The following SC5D variants were observed in gnomAD, a reference collection of about 807,000 sequenced individuals.
SC5D encodes lathosterol oxidase.
Under a neutral mutation model 23.9 loss-of-function variants are expected in SC5D, and 21 were observed. The observed-to-expected ratio is 0.88, with a 90% CI of 0.62 to 1.26. SC5D has a LOEUF of 1.26. Ranked by LOEUF, SC5D falls within the 50% of genes most tolerant of loss-of-function variation. SC5D has a pLI of 0.00. For missense variants in SC5D, 309 were observed against 364.8 expected (o/e 0.85, Z 1.25); for synonymous variants, 113 against 125.9 (o/e 0.90, Z 0.68).
At chr11:121,304,271 G>T in intron 2 of SC5D, 90 bp from the exon 3 acceptor site, 2 of 1,229,786 alleles carry the variant, frequency 1.6e-6, no homozygotes, top group South Asian at 2.5e-5. Context: ...ATGTAAAAGA[G>T]ATTTTAAAAA....
At chr11:121,306,517 AG>A in intron 4 of SC5D, 31 bp downstream of exon 4, 3 of 1,049,886 alleles carry the variant, frequency 2.9e-6, no homozygotes, top group Non-Finnish European at 3.0e-6. Context: ...AAGAGAAAAA[AG>A]GTTACACATT....
At chr11:121,303,853 G>T (rs1226654592) in intron 2 of SC5D, 1 of 353,616 alleles carries the variant, frequency 2.8e-6, no homozygotes, top group African/African-American at 2.1e-5. Flanking sequence ...ATATTGATGA[G>T]TAAATAAATG....
chr11:121,296,282 T>C (rs752778840), intron 1 of SC5D, among the ~76,000 whole-genome samples: 40 of 152,206 alleles, frequency 2.6e-4, no homozygotes, highest in Non-Finnish European at 5.6e-4. Flanking sequence ...AAAGTCCAAA[T>C]TCCTCAGCAG....
chr11:121,305,730 A>C (rs1364764965), intron 3 of SC5D: 2 of 152,598 alleles, frequency 1.3e-5, no homozygotes, highest in Non-Finnish European at 2.9e-5. Flanking sequence ...AAAGAAAAAA[A>C]AAGTCAGTTA....
chr11:121,305,946 ATGAGG>A, intron 3 of SC5D: 1 of 203,068 alleles, frequency 4.9e-6, no homozygotes, highest in Non-Finnish European at 1.0e-5. Flanking sequence ...TACAGGAGTG[ATGAGG>A]TTGGAAAGAT....
rs991795849 is a variant in SC5D, at chr11:121,309,205, G to T, written c.*1693G>T. 6.6e-6 allele frequency among the ~76,000 whole-genome samples: 1 copy of T among 152,158 alleles called. No homozygotes were observed. Among genetic ancestry groups the T allele is most frequent in the African/African-American group, 2.4e-5 (1 of 41,434 alleles). ...TCCACCTAGTCTTTCTGCGACCCAG[G>T]CTCCTTCCTCTTGGGGCTCTGCCTT... On this transcript the variant is annotated 3_prime_UTR_variant, in exon 5 of 5. Transcript: ENST00000264027.
chr11:121,303,032 C>T (rs1176248309), intron 1 of SC5D, among the ~76,000 whole-genome samples: 10 of 152,206 alleles, frequency 6.6e-5, no homozygotes, highest in Admixed American at 6.5e-4. Flanking sequence ...ATCTTTACCA[C>T]TTGCCATGCT....
intron 1 of SC5D, among the ~76,000 whole-genome samples, chr11:121,296,376 A>G (rs933032953): frequency 6.6e-6 from 1 of 152,130 alleles, no homozygotes; most frequent in African/African-American, 2.4e-5. Context: ...GCTCCACCCC[A>G]TCACCCTGTC....
intron 1 of SC5D, 50 bp from the exon 2 acceptor site, chr11:121,303,316 T>A: frequency 1.4e-5 from 21 of 1,552,462 alleles, no homozygotes; most frequent in Non-Finnish European, 1.9e-5. Flanking sequence ...AATTTTTGCC[T>A]GGAAAAATAG....
intron 2 of SC5D, 194 bp downstream of exon 2, chr11:121,303,779 T>G (rs978619261): frequency 6.3e-5 from 36 of 567,584 alleles, no homozygotes; most frequent in Non-Finnish European, 1.1e-4. Flanking sequence ...AATCTAACTT[T>G]TTAATAAAAC....
rs930790807 is a variant in SC5D at position 121,309,724 on chromosome 11, C to A, written c.*2212C>A. Among the ~76,000 whole-genome samples, 4 of 152,168 alleles carry A rather than the reference C, an allele frequency of 2.6e-5. No homozygotes were observed. The highest frequency in any genetic ancestry group is 5.9e-5 in the Non-Finnish European group (4 of 68,028). ...CCTTTCACCCGTCTCAAATTCTGGT[C>A]TTTTAAAGCAGCGTTATGTTAAGTA... On this transcript the variant is annotated 3_prime_UTR_variant, in exon 5 of 5. Transcript: ENST00000264027.
At position 121,306,463 on chromosome 11, in the gene SC5D, C is replaced by A; in HGVS notation, c.421C>A (p.Leu141Ile). The change falls in exon 4 of 5, where the codon CTT becomes ATT. Residue 141 changes from leucine to isoleucine, a missense_variant. By Grantham distance (5) the Leu-to-Ile change is conservative. Transcript: ENST00000264027. ...DMFIYWIHRG[L>I]HHRLVYKRLH... The stretch of plus-strand genomic sequence containing the variant: ...GTTCATCTACTGGATTCACAGAGGC[C>A]TTCATCATAGACTGGTATATAAGGT... The A allele has an allele frequency of 6.5e-7, 1 of 1,550,302 alleles. No homozygotes were observed. The highest frequency in any genetic ancestry group is 8.9e-7 in the Non-Finnish European group (1 of 1,121,964).
Position 121,309,247 on chromosome 11 carries a change from G to T in SC5D, c.*1735G>T, listed in dbSNP as rs1430972998. On this transcript the variant is annotated 3_prime_UTR_variant, in exon 5 of 5. Coordinates refer to ENST00000264027, the MANE Select transcript of SC5D (RefSeq NM_006918.5). Reference sequence around the variant, plus strand: ...CTCTGCCTTTCTCTCAGTCCATAGAGCCCTCTTTGTTGAAAGAGCACATAG... The same window carrying T: ...CTCTGCCTTTCTCTCAGTCCATAGATCCCTCTTTGTTGAAAGAGCACATAG... 6.6e-6 allele frequency among the ~76,000 whole-genome samples: 1 copy of T among 152,168 alleles called. No homozygotes were observed. The highest frequency in any genetic ancestry group is 1.5e-5 in the Non-Finnish European group (1 of 68,030).
rs1220830102 is a variant in SC5D at position 121,309,133 on chromosome 11, C to G, written c.*1621C>G. Reference sequence around the variant, plus strand: ...AGTAACTATTCCCAGGTTTATTTCTCTCTCATATGATGTCCCATGTGGATG... The same window carrying G: ...AGTAACTATTCCCAGGTTTATTTCTGTCTCATATGATGTCCCATGTGGATG... On this transcript the variant is annotated 3_prime_UTR_variant, in exon 5 of 5. Coordinates refer to ENST00000264027, the MANE Select transcript of SC5D (RefSeq NM_006918.5). 6.6e-6 allele frequency among the ~76,000 whole-genome samples: 1 copy of G among 152,316 alleles called. No homozygotes were observed. Among genetic ancestry groups the G allele is most frequent in the East Asian group, 1.9e-4 (1 of 5,196 alleles).
chr11:121,303,242 A>G (rs1395440595), intron 1 of SC5D, 124 bp from the exon 2 acceptor site: 2 of 715,598 alleles, frequency 2.8e-6, no homozygotes, highest in Non-Finnish European at 5.0e-6. Context: ...GGATTCTGAT[A>G]GCAGCAGATG....
rs1048788596 is a variant in SC5D at position 121,310,777 on chromosome 11, C to T, written c.*3265C>T. ...GCCCAGCCCCTTCTGTCCCTTCTAA[C>T]GTGAGGACCCAGCAACAAGGTACCA... On this transcript the variant is annotated 3_prime_UTR_variant, in exon 5 of 5. Transcript: ENST00000264027. Among the ~76,000 whole-genome samples the T allele has an allele frequency of 6.6e-5, 10 of 152,012 alleles. No individual in the cohort carries two copies. Among genetic ancestry groups the T allele is most frequent in the Non-Finnish European group, 1.3e-4 (9 of 67,982 alleles).
At chr11:121,304,966 G>T in intron 3 of SC5D, 1 of 166,308 alleles carries the variant, frequency 6.0e-6, no homozygotes, top group Non-Finnish European at 1.3e-5. Context: ...TTTGGGCTCT[G>T]AATTTTGTTT....
At chr11:121,301,905 A>G (rs1947928781) in intron 1 of SC5D, among the ~76,000 whole-genome samples, 1 of 152,106 alleles carries the variant, frequency 6.6e-6, no homozygotes, top group Admixed American at 6.6e-5. Context: ...GGAGGGAGAG[A>G]AAAATTTGTC....
chr11:121,294,951 C>T (rs1947878702), intron 1 of SC5D, among the ~76,000 whole-genome samples: 1 of 152,220 alleles, frequency 6.6e-6, no homozygotes, highest in South Asian at 2.1e-4. Context: ...GTCCCTGCTA[C>T]ACCACCTCCC....
Sources: gnomAD v4.1 joint callset for allele counts (sites outside exome capture counted in the v4.1 genomes callset) on GRCh38, gnomAD v4.1.1 for gene constraint, MANE v1.5 for transcripts, NCBI Gene and HGNC (gene_info 2026-07-23, HGNC 2026-07-21) for gene names.